SYNPR: variants seen among roughly 807,000 people sequenced by gnomAD.
The protein encoded by SYNPR is synaptoporin.
Under a neutral mutation model 32.9 loss-of-function variants are expected in SYNPR, and 23 were observed. The observed-to-expected ratio is 0.70, with a 90% CI of 0.50 to 0.99. SYNPR has a LOEUF of 0.99. Among genes scored for constraint, SYNPR ranks in the 50% least tolerant of loss-of-function variants. The probability of loss-of-function intolerance (pLI) is 0.00; values close to 1 mark genes in which losing one functional copy is unlikely to be tolerated. For synonymous variants in SYNPR, 146 were observed against 135.9 expected (o/e 1.07, Z -0.52); for missense variants, 318 against 349.3 (o/e 0.91, Z 0.71).
At chr3:63,506,249 A>C (rs4688412) in intron 3 of SYNPR, among the ~76,000 whole-genome samples, 57,119 of 151,922 alleles carry the variant, frequency 0.38, 10,947 homozygotes, top group Non-Finnish European at 0.43. Context: ...CCCCAATGCC[A>C]TGATTGGACA....
At chr3:63,380,197 A>G (rs1030058781) in intron 2 of SYNPR, among the ~76,000 whole-genome samples, 1 of 152,166 alleles carries the variant, frequency 6.6e-6, no homozygotes, top group Admixed American at 6.5e-5. Context: ...GTTTGGGTAT[A>G]TACTCAGTAA....
intron 3 of SYNPR, among the ~76,000 whole-genome samples, chr3:63,495,589 CA>C (rs1412629416): frequency 6.6e-6 from 1 of 152,098 alleles, no homozygotes; most frequent in African/African-American, 2.4e-5. Flanking sequence ...GTACATGCAC[CA>C]GGGGGTTCAC....
intron 1 of SYNPR, among the ~76,000 whole-genome samples, chr3:63,245,704 AGAGAGAGTGTGT>A (rs71126589): frequency 0.17 from 17,410 of 100,728 alleles, 904 homozygotes; most frequent in South Asian, 0.28. Flanking sequence ...AGAGAGAGAG[AGAGAGAGTGTGT>A]GTGTGTGTGT....
At chr3:63,441,860 T>C (rs1700184078) in intron 2 of SYNPR, among the ~76,000 whole-genome samples, 1 of 151,982 alleles carries the variant, frequency 6.6e-6, no homozygotes, top group African/African-American at 2.4e-5. Flanking sequence ...AGGTGTGTAG[T>C]GTAGGTGAAA....
intron 2 of SYNPR, among the ~76,000 whole-genome samples, chr3:63,264,963 G>A (rs1192172182): frequency 1.3e-5 from 2 of 151,944 alleles, no homozygotes; most frequent in African/African-American, 2.4e-5. Context: ...ACCTGGTCCC[G>A]CCCTTGACAC....
chr3:63,442,499 C>G (rs575320976), intron 2 of SYNPR, among the ~76,000 whole-genome samples: 1 of 152,146 alleles, frequency 6.6e-6, no homozygotes, highest in African/African-American at 2.4e-5. Flanking sequence ...CTGTGGCAGC[C>G]TCTCCAAGAA....
intron 1 of SYNPR, among the ~76,000 whole-genome samples, chr3:63,240,531 T>C (rs2086232869): frequency 6.6e-6 from 1 of 151,946 alleles, no homozygotes; most frequent in Admixed American, 6.6e-5. Flanking sequence ...TGTGGAGCAA[T>C]GAATAAGGTG....
intron 2 of SYNPR, among the ~76,000 whole-genome samples, chr3:63,264,861 G>T (rs775123067): frequency 1.3e-5 from 2 of 151,980 alleles, no homozygotes; most frequent in Admixed American, 1.3e-4. Context: ...TTATAAAACC[G>T]TCAGATCTCC....
chr3:63,204,492 T>G, the SYNPR span, among the ~76,000 whole-genome samples: 39 of 152,292 alleles, frequency 2.6e-4, no homozygotes, highest in African/African-American at 8.4e-4. Flanking sequence ...GTAATGACAC[T>G]ATTTCCATAT....
intron 2 of SYNPR, among the ~76,000 whole-genome samples, chr3:63,285,770 C>T (rs1256599558): frequency 6.6e-6 from 1 of 152,134 alleles, no homozygotes; most frequent in Non-Finnish European, 1.5e-5. Context: ...TTACCTTGGG[C>T]AAGTTAAATT....
intron 4 of SYNPR, among the ~76,000 whole-genome samples, chr3:63,599,532 C>A (rs921774221): frequency 8.5e-5 from 13 of 152,162 alleles, no homozygotes; most frequent in Admixed American, 2.6e-4. Context: ...ATAAGCCATA[C>A]CACATAGCCT....
chr3:63,308,459 T>A (rs2106949868), intron 2 of SYNPR, among the ~76,000 whole-genome samples: 1 of 152,138 alleles, frequency 6.6e-6, no homozygotes, highest in Non-Finnish European at 1.5e-5. Context: ...TAATTTGCCT[T>A]CTGTTTGAGA....
At chr3:63,587,003 A>C (rs1227743126) in intron 4 of SYNPR, among the ~76,000 whole-genome samples, 1 of 152,060 alleles carries the variant, frequency 6.6e-6, no homozygotes, top group South Asian at 2.1e-4. Flanking sequence ...ATTGCCAAAT[A>C]GGTTTGAAGC....
intron 4 of SYNPR, among the ~76,000 whole-genome samples, chr3:63,570,859 T>C (rs1250359133): frequency 1.3e-5 from 2 of 152,212 alleles, no homozygotes; most frequent in Admixed American, 1.3e-4. Flanking sequence ...GTATTTAAAA[T>C]GAAATTAATG....
intron 3 of SYNPR, among the ~76,000 whole-genome samples, chr3:63,481,909 G>A (rs1017458944): frequency 7.2e-5 from 11 of 152,096 alleles, no homozygotes; most frequent in African/African-American, 1.9e-4. Context: ...TCATAAGCTC[G>A]GCATGGCTTC....
At chr3:63,283,648 G>A (rs6785234) in intron 2 of SYNPR, among the ~76,000 whole-genome samples, 30,825 of 122,122 alleles carry the variant, frequency 0.25, 4,049 homozygotes, top group South Asian at 0.39. Context: ...TTTTTGAGAC[G>A]GAGTCTCACT....
At chr3:63,577,684 T>C (rs909123731) in intron 4 of SYNPR, among the ~76,000 whole-genome samples, 2 of 152,094 alleles carry the variant, frequency 1.3e-5, no homozygotes, top group African/African-American at 4.8e-5. Flanking sequence ...TTATTTAAAG[T>C]TGGAGGACTT....
At chr3:63,331,585 C>T (rs142843251) in intron 2 of SYNPR, among the ~76,000 whole-genome samples, 1 of 152,152 alleles carries the variant, frequency 6.6e-6, no homozygotes, top group Non-Finnish European at 1.5e-5. Flanking sequence ...CAAGACCACT[C>T]TGAAAGGCCA....
intron 3 of SYNPR, among the ~76,000 whole-genome samples, chr3:63,527,801 C>T (rs1341632073): frequency 6.6e-6 from 1 of 152,098 alleles, no homozygotes; most frequent in Admixed American, 6.6e-5. Context: ...TACTGTATCC[C>T]CAAGTGTCAA....
Sources: allele counts gnomAD v4.1 joint callset (sites outside exome capture counted in the v4.1 genomes callset), GRCh38; gene constraint gnomAD v4.1.1; transcripts MANE v1.5; gene names NCBI Gene and HGNC (gene_info 2026-07-23, HGNC 2026-07-21).